Variants in NLGN1 observed in about 807,000 individuals in gnomAD.
NLGN1 encodes the protein neuroligin-1.
A neutral mutation model predicts 65.5 loss-of-function variants in NLGN1; 12 were observed. That is an observed-to-expected ratio of 0.18 (90% CI 0.12 to 0.30). The LOEUF is 0.30. Among genes scored for constraint, NLGN1 ranks in the 10% least tolerant of loss-of-function variants. The pLI, the probability that NLGN1 is intolerant of heterozygous loss-of-function variation, is 1.00. For synonymous variants in NLGN1, 350 were observed against 359.5 expected, an observed-to-expected ratio of 0.97 and a Z score of 0.30; for missense variants, 750 against 1,007.1, an observed-to-expected ratio of 0.74 and a Z score of 3.46.
intron 1 of NLGN1, among the ~76,000 whole-genome samples, chr3:173,407,893 C>T (rs1711597972): frequency 6.6e-6 from 1 of 152,076 alleles, no homozygotes; most frequent in Non-Finnish European, 1.5e-5. Context: ...ATAAATAGTC[C>T]TCAGAAAAAT....
In NLGN1 at chr3:173,576,639, T is replaced by C. The variant is rs370108474; in HGVS notation, c.-320-27640T>C. Among the ~76,000 whole-genome samples the C allele has an allele frequency of 1.1e-4, 17 of 152,246 alleles. 1 individual carries two copies. The highest frequency in any genetic ancestry group is 2.0e-4 in the Admixed American group (3 of 15,278). ...CTGACCCCTGAACCCTCTGCCTTCCTCTAATAAAAACCCTTGTGATTACTT... is the reference window on the plus strand; with the variant it reads ...CTGACCCCTGAACCCTCTGCCTTCCCCTAATAAAAACCCTTGTGATTACTT... On this transcript the variant is annotated intron_variant, in intron 2 of 6. Coordinates refer to ENST00000457714, the Ensembl canonical transcript of NLGN1.
upstream of NLGN1, among the ~76,000 whole-genome samples, chr3:173,397,140 T>A (rs1577263620): frequency 6.6e-6 from 1 of 152,112 alleles, no homozygotes; most frequent in South Asian, 2.1e-4. Context: ...CCCAAACGCT[T>A]TTTTTCATTT....
At chr3:173,587,423 C>A (rs975691521) in intron 2 of NLGN1, among the ~76,000 whole-genome samples, 2 of 152,122 alleles carry the variant, frequency 1.3e-5, no homozygotes, top group African/African-American at 4.8e-5. Flanking sequence ...TACAAAACTA[C>A]ACACCAAAAT....
chr3:174,272,537 G>T (rs1749595643), intron 4 of NLGN1, among the ~76,000 whole-genome samples: 1 of 151,640 alleles, frequency 6.6e-6, no homozygotes, highest in Admixed American at 6.6e-5. Context: ...CATGTTATTT[G>T]CTTGGTCAGT....
chr3:174,287,458 A>G (rs1250667962), downstream of NLGN1, among the ~76,000 whole-genome samples: 1 of 151,578 alleles, frequency 6.6e-6, no homozygotes, highest in African/African-American at 2.4e-5. Flanking sequence ...TTCACTTTCC[A>G]TAAAAGGGTT....
intron 2 of NLGN1, among the ~76,000 whole-genome samples, chr3:173,503,904 C>A (rs1251940727): frequency 6.6e-6 from 1 of 151,054 alleles, no homozygotes; most frequent in Admixed American, 6.6e-5. Context: ...ATTTTTTTTT[C>A]TTTTCTTATT....
chr3:173,930,007 C>A (rs1286207862), intron 4 of NLGN1, among the ~76,000 whole-genome samples: 1 of 152,068 alleles, frequency 6.6e-6, no homozygotes, highest in Non-Finnish European at 1.5e-5. Context: ...CCTGGCCAAG[C>A]TTCTTCAAAT....
intron 3 of NLGN1, among the ~76,000 whole-genome samples, chr3:173,726,734 T>C (rs756533933): frequency 9.0e-4 from 137 of 152,276 alleles, no homozygotes; most frequent in Non-Finnish European, 1.1e-3. Flanking sequence ...GTTTTACCTT[T>C]CTTTATAAAG....
At chr3:174,139,201 A>C (rs559354242) in intron 4 of NLGN1, among the ~76,000 whole-genome samples, 40 of 152,220 alleles carry the variant, frequency 2.6e-4, no homozygotes, top group Admixed American at 5.2e-4. Flanking sequence ...ATATATTGAC[A>C]TATGTACACC....
chr3:173,778,491 C>T (rs1384065946), intron 3 of NLGN1, among the ~76,000 whole-genome samples: 1 of 151,856 alleles, frequency 6.6e-6, no homozygotes, highest in African/African-American at 2.4e-5. Context: ...AACCAATAAA[C>T]TTGCCAGATT....
At chr3:174,074,976 C>T (rs553312515) in intron 4 of NLGN1, among the ~76,000 whole-genome samples, 11 of 152,184 alleles carry the variant, frequency 7.2e-5, no homozygotes, top group Non-Finnish European at 1.3e-4. Context: ...TAATCCACCA[C>T]TCTTGGTCTT....
chr3:174,170,640 A>G (rs1462272039), intron 4 of NLGN1, among the ~76,000 whole-genome samples: 3 of 152,226 alleles, frequency 2.0e-5, no homozygotes, highest in African/African-American at 4.8e-5. Context: ...GCAGCTACCA[A>G]AATGCTCTTG....
chr3:173,814,962 T>A (rs1718708774), intron 4 of NLGN1, among the ~76,000 whole-genome samples: 1 of 152,108 alleles, frequency 6.6e-6, no homozygotes, highest in African/African-American at 2.4e-5. Flanking sequence ...GAGGTAACAT[T>A]CAAGTTTCCA....
At chr3:174,037,000 C>T (rs915785102) in intron 4 of NLGN1, among the ~76,000 whole-genome samples, 2 of 152,094 alleles carry the variant, frequency 1.3e-5, no homozygotes, top group Non-Finnish European at 2.9e-5. Flanking sequence ...TCCAGTCTAC[C>T]GCTTATGGAC....
intron 4 of NLGN1, among the ~76,000 whole-genome samples, chr3:174,230,779 A>AT (rs201112293): frequency 6.6e-6 from 1 of 152,092 alleles, no homozygotes; most frequent in Non-Finnish European, 1.5e-5. Context: ...ATGGATAAAT[A>AT]TTTAAAAAAA....
At chr3:173,409,278 G>C (rs1712000641) in intron 1 of NLGN1, among the ~76,000 whole-genome samples, 1 of 152,146 alleles carries the variant, frequency 6.6e-6, no homozygotes, top group Admixed American at 6.5e-5. Flanking sequence ...ATATCAATAT[G>C]TAAATGTGTA....
In NLGN1 at chr3:173,975,097, G is replaced by A. The variant is rs114079949; in HGVS notation, c.646+167265G>A. On this transcript the variant is annotated intron_variant, in intron 4 of 6. Coordinates refer to ENST00000457714, the Ensembl canonical transcript of NLGN1. ...TGGGGTCTGTGGCAGTGTCAGCATC[G>A]TGGAAATGGATTGTAACCACTTTTG... Among the ~76,000 whole-genome samples the A allele has an allele frequency of 4.5e-3, 677 of 152,116 alleles. 5 individuals are homozygous for A. Among genetic ancestry groups the A allele is most frequent in the African/African-American group, 0.015 (627 of 41,536 alleles).
At chr3:174,248,941 T>TCTGCTTCC (rs1013709278) in intron 4 of NLGN1, among the ~76,000 whole-genome samples, 1 of 152,220 alleles carries the variant, frequency 6.6e-6, no homozygotes, top group African/African-American at 2.4e-5. Flanking sequence ...CTCCTGCTTC[T>TCTGCTTCC]CTGCTTCCTA....
intron 2 of NLGN1, among the ~76,000 whole-genome samples, chr3:173,570,389 G>A (rs1350071186): frequency 6.6e-6 from 1 of 152,204 alleles, no homozygotes; most frequent in Admixed American, 6.5e-5. Flanking sequence ...AGGAAGGGAA[G>A]TGGCCAGCTT....
Sources: gnomAD v4.1 joint callset for allele counts (sites outside exome capture counted in the v4.1 genomes callset) on GRCh38, gnomAD v4.1.1 for gene constraint, MANE v1.5 for transcripts, NCBI Gene and HGNC (gene_info 2026-07-23, HGNC 2026-07-21) for gene names.